Variants in SEPTIN3 observed in about 807,000 individuals in gnomAD.
The protein encoded by SEPTIN3 is septin 3, also known as neuronal-specific septin-3.
SEPTIN3 carries 15 observed loss-of-function variants against 45.1 expected under a neutral mutation model. The observed-to-expected ratio is 0.33, with a 90% CI of 0.22 to 0.51. The LOEUF is 0.51. Ranked by LOEUF, SEPTIN3 falls within the 20% of genes least tolerant of loss-of-function variation. The pLI, the probability that SEPTIN3 is intolerant of heterozygous loss-of-function variation, is 0.97. For synonymous variants in SEPTIN3, 148 were observed against 164.8 expected (o/e 0.90, Z 0.78); for missense variants, 289 against 457.2 (o/e 0.63, Z 3.35).
At chr22:41,989,776 T>A in intron 7 of SEPTIN3, 92 bp downstream of exon 7, 2 of 831,640 alleles carry the variant, frequency 2.4e-6, no homozygotes, top group Non-Finnish European at 4.1e-6. Flanking sequence ...TCATTCTGCC[T>A]TCACCCCCAC....
chr22:41,987,535 T>C (rs2078229544), intron 5 of SEPTIN3, 87 bp from the exon 6 acceptor site: 9 of 1,466,982 alleles, frequency 6.1e-6, no homozygotes, highest in African/African-American at 1.4e-5. Flanking sequence ...ATGACATGAA[T>C]GTAAGGAGAT....
chr22:41,998,132 G>C lies in SEPTIN3; in HGVS notation c.*1165G>C, dbSNP rs1398612414. ...GACATTACAGTTAAATTTCCCAATTGAAAACAAGCAAACAGACACTCAAAC... is the reference window on the plus strand; with the variant it reads ...GACATTACAGTTAAATTTCCCAATTCAAAACAAGCAAACAGACACTCAAAC... On this transcript the variant is annotated 3_prime_UTR_variant, in exon 12 of 12. Transcript: ENST00000644076. 1 of 152,638 alleles carries C rather than the reference G, an allele frequency of 6.6e-6. No individual in the cohort carries two copies. The highest frequency in any genetic ancestry group is 1.5e-5 in the Non-Finnish European group (1 of 68,046). The allele number at this position is 152,638 out of a possible 1,614,324, so 9.5% of individuals were successfully genotyped here.
chr22:41,994,070 G>A lies in SEPTIN3; in HGVS notation c.2360-220G>A, dbSNP rs185409765. Among the ~76,000 whole-genome samples, 3 of 152,240 alleles carry A rather than the reference G, an allele frequency of 2.0e-5. No homozygotes were observed. Among genetic ancestry groups the A allele is most frequent in the Non-Finnish European group, 2.9e-5 (2 of 68,026 alleles). On this transcript the variant is annotated intron_variant, in intron 9 of 11. Coordinates refer to ENST00000644076, the MANE Select transcript of SEPTIN3 (RefSeq NM_001363845.2). The surrounding 1 kb of genome is among the most constrained non-coding windows in gnomAD (Gnocchi z 4.2). ...TCCCTCTTGGCTATTATGCCACAGCGTCTAGAAGGATGTCGTGCCCATTGT... is the reference window on the plus strand; with the variant it reads ...TCCCTCTTGGCTATTATGCCACAGCATCTAGAAGGATGTCGTGCCCATTGT...
Position 41,991,605 on chromosome 22 carries a change from A to G in SEPTIN3, c.2196A>G (p.Glu732=). 6.2e-7 allele frequency: 1 copy of G among 1,614,064 alleles called. No homozygotes were observed. The highest frequency in any genetic ancestry group is 1.7e-5 in the Admixed American group (1 of 60,026). The part of the protein sequence containing the change: ...VRKELEVNGI[E]FYPQKEFDED... ...AGGAGCTTGAAGTAAATGGCATTGA[A>G]TTCTACCCCCAGAAGGAATTTGATG... Residue 732 remains glutamate (E), a synonymous_variant, in exon 8 of 12, where the codon GAA becomes GAG. Coordinates refer to ENST00000644076, the MANE Select transcript of SEPTIN3 (RefSeq NM_001363845.2).
In SEPTIN3 at chr22:41,984,141, T is replaced by G. The variant is rs2078164265; in HGVS notation, c.1697-1843T>G. ...ACTACTACCAGATAATCAGCAGGAA[T>G]GAGAAATGCACCTTATTTACCATCC... On this transcript the variant is annotated intron_variant, in intron 3 of 11. Transcript: ENST00000644076. Among the ~76,000 whole-genome samples, 4 of 152,188 alleles carry G rather than the reference T, an allele frequency of 2.6e-5. No homozygotes were observed. In the South Asian group the frequency reaches 8.3e-4, roughly 31 times the overall value.
intron 2 of SEPTIN3, among the ~76,000 whole-genome samples, chr22:41,980,249 T>C (rs1421542119): frequency 6.8e-6 from 1 of 148,032 alleles, no homozygotes; most frequent in African/African-American, 2.5e-5. Flanking sequence ...GCAATTCTCC[T>C]GCCTCAGCCT....
At chr22:41,985,871 A>G (rs763120115) in intron 3 of SEPTIN3, 113 bp from the exon 4 acceptor site, 25 of 1,323,722 alleles carry the variant, frequency 1.9e-5, no homozygotes, top group Non-Finnish European at 2.4e-5. Flanking sequence ...GTGAGTGGTC[A>G]GACAAGGTGT....
chr22:41,992,179 G>C (rs958380496), intron 8 of SEPTIN3, among the ~76,000 whole-genome samples: 1 of 152,134 alleles, frequency 6.6e-6, no homozygotes, highest in African/African-American at 2.4e-5. Flanking sequence ...AGGAGTTCAC[G>C]ACCAGCCTGG....
chr22:41,986,356 G>T (rs1338725938), intron 4 of SEPTIN3, among the ~76,000 whole-genome samples: 1 of 152,142 alleles, frequency 6.6e-6, no homozygotes, highest in African/African-American at 2.4e-5. Context: ...TAGACAGGTA[G>T]AAAGAGGTAA....
At chr22:41,978,659 G>A (rs2078069622) in intron 2 of SEPTIN3, among the ~76,000 whole-genome samples, 3 of 152,162 alleles carry the variant, frequency 2.0e-5, no homozygotes, top group Non-Finnish European at 2.9e-5. Flanking sequence ...CAGACAGGGG[G>A]CCCTCAAGGG....
Position 41,994,216 on chromosome 22 carries a change from A to G in SEPTIN3, c.2360-74A>G. 2.7e-6 allele frequency: 4 copies of G among 1,459,222 alleles called. No individual in the cohort carries two copies. Among genetic ancestry groups the G allele is most frequent in the Non-Finnish European group, 3.8e-6 (4 of 1,047,120 alleles). The allele number at this position is 1,459,222 out of a possible 1,614,324, so 90.4% of individuals were successfully genotyped here. A position where few individuals can be genotyped will look rare whatever the true frequency, so the allele number is the denominator to read the frequency against. ...TCCTAAATGCCTCCGTGACCCAAAC[A>G]GAAGCTCACCTCCTGGGTGTTGCTG... is the stretch of plus-strand genomic sequence containing the variant. On this transcript the variant is annotated intron_variant, in intron 9 of 11. Coordinates refer to ENST00000644076, the MANE Select transcript of SEPTIN3 (RefSeq NM_001363845.2). The surrounding 1 kb of genome is among the most constrained non-coding windows in gnomAD (Gnocchi z 4.2).
At position 41,971,501 on chromosome 22, in the gene SEPTIN3, C is replaced by T. The variant is rs1283665110; in HGVS notation, c.9C>T (p.His3=). The change falls in exon 2 of 12, where the codon CAC becomes CAT. Residue 3 remains histidine (H), a synonymous_variant. Coordinates refer to ENST00000644076, the MANE Select transcript of SEPTIN3 (RefSeq NM_001363845.2). The part of the protein sequence containing the change: MD[H]NFAPAPPEMQ... ...AAAGACAAACGACCTGGATGGACCACAACTTTGCTCCTGCTCCTCCAGAGA... is the reference window on the plus strand; with the variant it reads ...AAAGACAAACGACCTGGATGGACCATAACTTTGCTCCTGCTCCTCCAGAGA... 2 of 399,140 alleles carry T rather than the reference C, an allele frequency of 5.0e-6. No homozygotes were observed. Among genetic ancestry groups the T allele is most frequent in the Non-Finnish European group, 8.8e-6 (2 of 226,244 alleles). The allele number at this position is 399,140 out of a possible 1,614,324, so 24.7% of individuals were successfully genotyped here. A position where few individuals can be genotyped will look rare whatever the true frequency, so the allele number is the denominator to read the frequency against.
rs1224688848 is a variant in SEPTIN3, at chr22:41,971,680, A to G, written c.188A>G (p.His63Arg). The G allele has an allele frequency of 7.5e-6, 3 of 398,206 alleles. No individual in the cohort carries two copies. Among genetic ancestry groups the G allele is most frequent in the Non-Finnish European group, 1.3e-5 (3 of 226,016 alleles). The allele number at this position is 398,206 out of a possible 1,614,324, so 24.7% of individuals were successfully genotyped here. A position where few individuals can be genotyped will look rare whatever the true frequency, so the allele number is the denominator to read the frequency against. The change falls in exon 2 of 12, where the codon CAT becomes CGT. Residue 63 changes from histidine (H) to arginine (R), a missense_variant. This residue lies in a region of SEPTIN3 where 200 missense variants were observed against 315.1 expected (regional missense o/e 0.63). Transcript: ENST00000644076. ...CATCTGGATACCTTCCCCCAAAGCC[A>G]TATCCCACAGACCTCCAGCCGGCTG... ...TIHLDTFPQS[H>R]IPQTSSRLGL...
chr22:41,988,777 G>C (rs375724661), intron 6 of SEPTIN3, among the ~76,000 whole-genome samples: 1 of 152,088 alleles, frequency 6.6e-6, no homozygotes, highest in East Asian at 1.9e-4. Flanking sequence ...TGGCCCTGCA[G>C]GACTAACTCT....
intron 2 of SEPTIN3, 139 bp from the exon 3 acceptor site, chr22:41,981,506 C>G (rs2078119546): frequency 3.1e-6 from 2 of 641,602 alleles, no homozygotes; most frequent in African/African-American, 3.7e-5. Flanking sequence ...AAATGAGGGA[C>G]CTGGACTGGA....
At chr22:41,992,240 A>G (rs767029872) in intron 8 of SEPTIN3, among the ~76,000 whole-genome samples, 15 of 152,012 alleles carry the variant, frequency 9.9e-5, no homozygotes, top group African/African-American at 3.1e-4. Context: ...TTAGCCAGGC[A>G]TGGTGGCGCA....
At chr22:41,977,276 C>A (rs1010796889) in intron 2 of SEPTIN3, among the ~76,000 whole-genome samples, 1 of 151,994 alleles carries the variant, frequency 6.6e-6, no homozygotes, top group Non-Finnish European at 1.5e-5. Context: ...CGCGGGGAGA[C>A]GCAGGGACCC....
In SEPTIN3 at chr22:41,981,702, C is replaced by G. The variant is rs749145994; in HGVS notation, c.1562C>G (p.Pro521Arg). Residue 521 changes from proline (P) to arginine (R), a missense_variant, in exon 3 of 12, where the codon CCT becomes CGT. Pro to Arg is a moderately radical substitution (Grantham distance 103). This residue lies in a region of SEPTIN3 where 200 missense variants were observed against 315.1 expected (regional missense o/e 0.63). Transcript: ENST00000644076. ...AMSELVPEPR[P>R]KPAVPMKPMS... The stretch of plus-strand genomic sequence containing the variant: ...TCAGAGCTGGTGCCTGAGCCCAGGC[C>G]TAAGCCAGCGGTGCCCATGAAGCCC... 1 of 1,614,004 alleles carries G rather than the reference C, an allele frequency of 6.2e-7. No individual in the cohort carries two copies. The highest frequency in any genetic ancestry group is 8.5e-7 in the Non-Finnish European group (1 of 1,180,008).
chr22:41,971,002 G>A (rs770617308), intron 1 of SEPTIN3, among the ~76,000 whole-genome samples: 1 of 152,140 alleles, frequency 6.6e-6, no homozygotes, highest in Non-Finnish European at 1.5e-5. Context: ...GAGCTCCTAT[G>A]TTGGCTGCTG....
Sources: allele counts gnomAD v4.1 joint callset (sites outside exome capture counted in the v4.1 genomes callset), GRCh38; gene constraint gnomAD v4.1.1; regional missense constraint gnomAD v4.1.1; non-coding constraint Gnocchi (gnomAD v3.1); transcripts MANE v1.5; gene names NCBI Gene and HGNC (gene_info 2026-07-23, HGNC 2026-07-21).